Variants in ADAM10 observed in about 807,000 individuals in gnomAD.
ADAM10 encodes the protein ADAM metallopeptidase domain 10, also known as disintegrin and metalloproteinase domain-containing protein 10.
In ADAM10, 17 loss-of-function variants were observed where a neutral mutation model predicts 90.1. The observed-to-expected ratio is 0.19, with a 90% CI of 0.13 to 0.28. The LOEUF (loss-of-function observed/expected upper bound fraction) is 0.28, where lower values mean the gene tolerates loss of function less well. Ranked by LOEUF, ADAM10 falls within the 10% of genes least tolerant of loss-of-function variation. The pLI is 1.00. For missense variants in ADAM10, 610 were observed against 914.3 expected, an observed-to-expected ratio of 0.67 and a Z score of 4.29; for synonymous variants, 310 against 298.6, an observed-to-expected ratio of 1.04 and a Z score of -0.40.
At chr15:58,624,882 T>G (rs1350830997) in intron 10 of ADAM10, among the ~76,000 whole-genome samples, 1 of 152,192 alleles carries the variant, frequency 6.6e-6, no homozygotes, top group East Asian at 1.9e-4. Context: ...CATTTTGTTA[T>G]AATTTAAGAA....
chr15:58,620,658 G>GTT (rs1365262711), intron 11 of ADAM10, among the ~76,000 whole-genome samples: 1 of 51,630 alleles, frequency 1.9e-5, no homozygotes, highest in African/African-American at 2.0e-4. Context: ...TAAAGAATAT[G>GTT]TATTTTTTTT....
intron 1 of ADAM10, chr15:58,747,339 G>C (rs1424833286): frequency 6.6e-6 from 1 of 152,154 alleles, no homozygotes; most frequent in Non-Finnish European, 1.5e-5. Context: ...AACAGTGACT[G>C]ACAAATTGGG....
intron 11 of ADAM10, among the ~76,000 whole-genome samples, chr15:58,621,005 CTT>C (rs1895766311): frequency 6.6e-6 from 1 of 151,822 alleles, no homozygotes; most frequent in South Asian, 2.1e-4. Context: ...TTAGTATGTC[CTT>C]TGAGTATGTC....
At chr15:58,620,486 T>G (rs1895746962) in intron 11 of ADAM10, among the ~76,000 whole-genome samples, 1 of 151,426 alleles carries the variant, frequency 6.6e-6, no homozygotes, top group African/African-American at 2.4e-5. Context: ...AAAAAAAAAG[T>G]ATTGTGCAAA....
chr15:58,730,208 T>A (rs565463060), intron 1 of ADAM10, among the ~76,000 whole-genome samples: 1 of 152,294 alleles, frequency 6.6e-6, no homozygotes, highest in East Asian at 1.9e-4. Context: ...TAGGGATAGG[T>A]ACACCATGGG....
intron 5 of ADAM10, among the ~76,000 whole-genome samples, chr15:58,656,092 G>A (rs1896822535): frequency 1.3e-5 from 2 of 151,938 alleles, no homozygotes; most frequent in African/African-American, 4.8e-5. Context: ...TACAGTTTTT[G>A]TCCTGAAATC....
chr15:58,645,034 A>C (rs1441821647), intron 6 of ADAM10, among the ~76,000 whole-genome samples: 1 of 152,242 alleles, frequency 6.6e-6, no homozygotes, highest in African/African-American at 2.4e-5. Flanking sequence ...CTTCATTTAC[A>C]AAAAGTACTC....
At chr15:58,638,940 C>T (rs1355731955) in intron 8 of ADAM10, among the ~76,000 whole-genome samples, 1 of 152,114 alleles carries the variant, frequency 6.6e-6, no homozygotes, top group Non-Finnish European at 1.5e-5. Flanking sequence ...AAAAATAAAG[C>T]TTACTTTTTA....
At chr15:58,610,096 C>T (rs2140997166) in intron 14 of ADAM10, 1 of 615,148 alleles carries the variant, frequency 1.6e-6, no homozygotes, top group East Asian at 2.9e-5. Flanking sequence ...ACCTACTAAG[C>T]AATCTATGAA....
At chr15:58,646,473 A>G (rs1165414326) in intron 5 of ADAM10, among the ~76,000 whole-genome samples, 2 of 152,214 alleles carry the variant, frequency 1.3e-5, no homozygotes, top group Admixed American at 6.5e-5. Flanking sequence ...AGCAAGTTGT[A>G]TAATAGCTTA....
At chr15:58,629,134 C>G (rs984764172) in intron 9 of ADAM10, 60 of 152,294 alleles carry the variant, frequency 3.9e-4, no homozygotes, top group African/African-American at 1.4e-3. Flanking sequence ...CTCTTGATGT[C>G]ATCACAGAAT....
intron 5 of ADAM10, among the ~76,000 whole-genome samples, chr15:58,661,876 AT>A (rs1360684376): frequency 1.3e-5 from 2 of 152,086 alleles, no homozygotes; most frequent in Non-Finnish European, 2.9e-5. Context: ...TATCCACTAA[AT>A]TTTTTACCTC....
intron 6 of ADAM10, among the ~76,000 whole-genome samples, chr15:58,644,678 A>G (rs1483809494): frequency 6.6e-6 from 1 of 152,224 alleles, no homozygotes; most frequent in East Asian, 1.9e-4. Context: ...CATTTTTATA[A>G]GAACTTCCCT....
chr15:58,739,046 T>A (rs565893995), intron 1 of ADAM10, among the ~76,000 whole-genome samples: 1 of 152,080 alleles, frequency 6.6e-6, no homozygotes, highest in Non-Finnish European at 1.5e-5. Context: ...CATCCGCCAC[T>A]GCCCCTAGCT....
At chr15:58,625,809 T>C (rs1895922094) in intron 10 of ADAM10, among the ~76,000 whole-genome samples, 1 of 152,208 alleles carries the variant, frequency 6.6e-6, no homozygotes, top group South Asian at 2.1e-4. Context: ...TACCATGGAA[T>C]ACTACTCAGA....
intron 4 of ADAM10, among the ~76,000 whole-genome samples, chr15:58,673,891 C>T (rs990441062): frequency 6.6e-6 from 1 of 151,986 alleles, no homozygotes; most frequent in Non-Finnish European, 1.5e-5. Flanking sequence ...CCTGCCACCA[C>T]GCCCGGCTAA....
intron 1 of ADAM10, among the ~76,000 whole-genome samples, chr15:58,739,721 A>C (rs1257149946): frequency 6.6e-6 from 1 of 152,226 alleles, no homozygotes; most frequent in South Asian, 2.1e-4. Context: ...GAGGGTTCTG[A>C]TAATATGCTG....
intron 11 of ADAM10, among the ~76,000 whole-genome samples, chr15:58,617,998 C>T (rs1194469475): frequency 6.6e-6 from 1 of 151,656 alleles, no homozygotes; most frequent in African/African-American, 2.4e-5. Context: ...AATGTAATGC[C>T]TATCCAAATA....
At chr15:58,622,217 T>C (rs757168424) in intron 10 of ADAM10, among the ~76,000 whole-genome samples, 1 of 152,186 alleles carries the variant, frequency 6.6e-6, no homozygotes, top group Non-Finnish European at 1.5e-5. Flanking sequence ...CATAAAGTTT[T>C]TTTCTTATTT....
Sources: allele counts gnomAD v4.1 joint callset (sites outside exome capture counted in the v4.1 genomes callset), GRCh38; gene constraint gnomAD v4.1.1; transcripts MANE v1.5; gene names NCBI Gene and HGNC (gene_info 2026-07-23, HGNC 2026-07-21).